TWIST2: variants seen among roughly 807,000 people sequenced by gnomAD.
TWIST2 encodes twist family bHLH transcription factor 2, also known as twist-related protein 2.
TWIST2 carries 1 observed loss-of-function variant against 11.6 expected under a neutral mutation model. The ratio of observed to expected loss-of-function variants is 0.09; its 90% CI spans 0.03 to 0.41. The LOEUF (loss-of-function observed/expected upper bound fraction) is 0.41. TWIST2 is among the 10% of genes least tolerant of loss of function. TWIST2 has a pLI of 0.98. For missense variants in TWIST2, 168 were observed against 226.4 expected, an observed-to-expected ratio of 0.74 and a Z score of 1.66; for synonymous variants, 87 against 96.6, an observed-to-expected ratio of 0.90 and a Z score of 0.58.
At chr2:238,884,528 C>G (rs539136504) in intron 1 of TWIST2, among the ~76,000 whole-genome samples, 12 of 152,342 alleles carry the variant, frequency 7.9e-5, no homozygotes, top group African/African-American at 2.6e-4. Context: ...TAGGCATGGT[C>G]TGATTCACGG....
chr2:238,906,214 A>G (rs1268793104), intron 1 of TWIST2, among the ~76,000 whole-genome samples: 2 of 151,978 alleles, frequency 1.3e-5, no homozygotes, highest in Admixed American at 6.6e-5. Flanking sequence ...TCAGACACCC[A>G]CGCCCACAGG....
chr2:238,901,277 C>T (rs1317882309), intron 1 of TWIST2, among the ~76,000 whole-genome samples: 1 of 152,194 alleles, frequency 6.6e-6, no homozygotes, highest in Non-Finnish European at 1.5e-5. Context: ...GTGCCGGCCT[C>T]CTTTGCCTTT....
chr2:238,885,230 G>A (rs1215141162), intron 1 of TWIST2, among the ~76,000 whole-genome samples: 4 of 151,420 alleles, frequency 2.6e-5, no homozygotes, highest in African/African-American at 9.7e-5. Context: ...TCGTTTGCAG[G>A]CTGGAGGGCC....
intron 1 of TWIST2, among the ~76,000 whole-genome samples, chr2:238,905,784 G>A (rs1186572671): frequency 6.6e-6 from 1 of 152,038 alleles, no homozygotes; most frequent in East Asian, 1.9e-4. Context: ...TTGACTTTCT[G>A]CCCAGGACCA....
At position 238,874,418 on chromosome 2, in the gene TWIST2, T is replaced by C. The variant is rs1692767683; in HGVS notation, c.*35+25685T>C. On this transcript the variant is annotated intron_variant, in intron 1 of 1. Coordinates refer to ENST00000612363, the MANE Select transcript of TWIST2 (RefSeq NM_001271893.4). ...GTCCAATTTAGTTACTTAAGGCTCT[T>C]CTTTTGCAAAAGAATAGAAAGAAAA... is the stretch of plus-strand genomic sequence containing the variant. Among the ~76,000 whole-genome samples, 3 of 151,904 alleles carry C rather than the reference T, an allele frequency of 2.0e-5. No homozygotes were observed. In the South Asian group the frequency reaches 6.2e-4, roughly 31 times the overall value.
chr2:238,889,719 C>T (rs1693098937), intron 1 of TWIST2, among the ~76,000 whole-genome samples: 1 of 152,238 alleles, frequency 6.6e-6, no homozygotes, highest in Non-Finnish European at 1.5e-5. Flanking sequence ...GATTCCACCC[C>T]TCACAGGCTG....
chr2:238,889,180 G>C (rs536733990), intron 1 of TWIST2, among the ~76,000 whole-genome samples: 1 of 152,156 alleles, frequency 6.6e-6, no homozygotes, highest in Non-Finnish European at 1.5e-5. Context: ...CTGTCATTCA[G>C]TTCCCCGAAT....
chr2:238,880,572 G>C (rs1459968451), intron 1 of TWIST2, among the ~76,000 whole-genome samples: 1 of 88,442 alleles, frequency 1.1e-5, no homozygotes, highest in Non-Finnish European at 2.2e-5. Flanking sequence ...TAGTATTACT[G>C]TTAGTATTAG....
In TWIST2 at chr2:238,882,264, T is replaced by G. The variant is rs564956366; in HGVS notation, c.*36-27578T>G. On this transcript the variant is annotated intron_variant, in intron 1 of 1. Transcript: ENST00000612363. ...GCCTGAGGGTCTGCTGTCTGCACAGTGCACTGTCCTGTGCTTCCCGAGAGC... is the reference window on the plus strand; with the variant it reads ...GCCTGAGGGTCTGCTGTCTGCACAGGGCACTGTCCTGTGCTTCCCGAGAGC... Among the ~76,000 whole-genome samples the G allele has an allele frequency of 2.0e-5, 3 of 152,344 alleles. No individual in the cohort carries two copies. In the South Asian group the frequency reaches 6.2e-4, roughly 32 times the overall value.
At chr2:238,901,625 G>A (rs1693269598) in intron 1 of TWIST2, among the ~76,000 whole-genome samples, 2 of 152,166 alleles carry the variant, frequency 1.3e-5, no homozygotes, top group Non-Finnish European at 2.9e-5. Context: ...ACCACGCTGA[G>A]CGGTTCCATA....
chr2:238,874,851 T>G (rs1692774541), intron 1 of TWIST2, among the ~76,000 whole-genome samples: 1 of 152,146 alleles, frequency 6.6e-6, no homozygotes, highest in South Asian at 2.1e-4. Context: ...TGATTTGTCC[T>G]TCAGGTGCAA....
At chr2:238,868,906 C>G (rs1321257244) in intron 1 of TWIST2, among the ~76,000 whole-genome samples, 1 of 152,210 alleles carries the variant, frequency 6.6e-6, no homozygotes, top group Non-Finnish European at 1.5e-5. Context: ...GTGGCATCCA[C>G]CTGCATTCTC....
rs1211037207 is a variant in TWIST2 at position 238,863,733 on chromosome 2, AC to A, written c.*35+15004del. On this transcript the variant is annotated intron_variant, in intron 1 of 1. Coordinates refer to ENST00000612363, the MANE Select transcript of TWIST2 (RefSeq NM_001271893.4). The surrounding 1 kb of genome is among the most constrained non-coding windows in gnomAD (Gnocchi z 4.7). ...ACCCAAATTGAGAAGAGGTGCTTTG[AC>A]CCCGACTCACTCAGTGGAGCTAGAA... Among the ~76,000 whole-genome samples the A allele has an allele frequency of 6.6e-6, 1 of 152,048 alleles. No individual in the cohort carries two copies. Among genetic ancestry groups the A allele is most frequent in the Non-Finnish European group, 1.5e-5 (1 of 68,004 alleles).
chr2:238,883,555 C>T (rs899943491), intron 1 of TWIST2, among the ~76,000 whole-genome samples: 3 of 152,216 alleles, frequency 2.0e-5, no homozygotes, highest in Admixed American at 1.3e-4. Context: ...CCAGCCTTAT[C>T]ACTCCCTATC....
chr2:238,858,496 CA>C (rs1038622024), intron 1 of TWIST2, among the ~76,000 whole-genome samples: 7 of 152,154 alleles, frequency 4.6e-5, no homozygotes, highest in Admixed American at 2.0e-4. Flanking sequence ...CTCTCTTGGT[CA>C]GAACCCATTG....
At chr2:238,879,199 C>CA (rs1358228564) in intron 1 of TWIST2, among the ~76,000 whole-genome samples, 2 of 152,090 alleles carry the variant, frequency 1.3e-5, no homozygotes, top group Non-Finnish European at 2.9e-5. Context: ...TACCTAGACC[C>CA]ATGTGTCTTA....
chr2:238,886,576 T>G (rs1693042520), intron 1 of TWIST2, among the ~76,000 whole-genome samples: 1 of 151,596 alleles, frequency 6.6e-6, no homozygotes. Flanking sequence ...TGGGCTATTG[T>G]CTGGAGCCCC....
At chr2:238,848,780 C>T in intron 1 of TWIST2, 47 bp downstream of exon 1, 5 of 1,306,474 alleles carry the variant, frequency 3.8e-6, no homozygotes, top group Non-Finnish European at 4.8e-6. Context: ...GGGGGGCGGG[C>T]GGCAGGGGCG....
rs1692478974 is a variant in TWIST2 at position 238,863,913 on chromosome 2, G to GCCA, written c.*35+15180_*35+15181insCCA. ...GAGTAGGTCTACCCCCTATCCTGGG[G>GCCA]GCATCCCTGTGTGCCAGCTTCTCCA... is the stretch of plus-strand genomic sequence containing the variant. On this transcript the variant is annotated intron_variant, in intron 1 of 1. Coordinates refer to ENST00000612363, the MANE Select transcript of TWIST2 (RefSeq NM_001271893.4). This position sits in a 1 kb window ranked among gnomAD's most constrained non-coding sequence, Gnocchi z 4.7. 6.6e-6 allele frequency among the ~76,000 whole-genome samples: 1 copy of GCCA among 152,084 alleles called. No individual in the cohort carries two copies.
Sources: allele counts gnomAD v4.1 joint callset (sites outside exome capture counted in the v4.1 genomes callset), GRCh38; gene constraint gnomAD v4.1.1; non-coding constraint Gnocchi (gnomAD v3.1); transcripts MANE v1.5; gene names NCBI Gene and HGNC (gene_info 2026-07-23, HGNC 2026-07-21).